The following SCRN1 variants were observed in gnomAD, a reference collection of about 807,000 sequenced individuals.
SCRN1 encodes the protein secernin 1.
A neutral mutation model predicts 43.3 loss-of-function variants in SCRN1; 19 were observed. The ratio of observed to expected loss-of-function variants is 0.44; its 90% CI spans 0.31 to 0.64. SCRN1 has a LOEUF of 0.64. Ranked by LOEUF, SCRN1 falls within the 30% of genes least tolerant of loss-of-function variation. The pLI is 0.09. For missense variants in SCRN1, 447 were observed against 524.1 expected, an observed-to-expected ratio of 0.85 and a Z score of 1.44; for synonymous variants, 183 against 188.9, an observed-to-expected ratio of 0.97 and a Z score of 0.26.
intron 3 of SCRN1, among the ~76,000 whole-genome samples, chr7:29,944,820 C>T (rs1461681531): frequency 6.6e-6 from 1 of 152,082 alleles, no homozygotes; most frequent in East Asian, 1.9e-4. Context: ...GACTGTGTCT[C>T]CCACAGAGCT....
chr7:29,959,272 A>C (rs1195136093), intron 2 of SCRN1, among the ~76,000 whole-genome samples: 1 of 152,236 alleles, frequency 6.6e-6, no homozygotes, highest in Non-Finnish European at 1.5e-5. Flanking sequence ...TTGATGAGTC[A>C]GCCAAACTTC....
At chr7:29,932,464 C>A (rs1439259178) in intron 6 of SCRN1, among the ~76,000 whole-genome samples, 1 of 151,658 alleles carries the variant, frequency 6.6e-6, no homozygotes, top group Non-Finnish European at 1.5e-5. Context: ...ACCAGCCTGG[C>A]CAACATGGTG....
intron 1 of SCRN1, among the ~76,000 whole-genome samples, chr7:29,974,405 T>C (rs1788746634): frequency 6.6e-6 from 1 of 152,198 alleles, no homozygotes; most frequent in Admixed American, 6.5e-5. Flanking sequence ...AATGTTTCAT[T>C]ACTATGTTTC....
At chr7:29,944,980 T>C (rs191345334) in intron 3 of SCRN1, among the ~76,000 whole-genome samples, 4 of 152,284 alleles carry the variant, frequency 2.6e-5, no homozygotes, top group Admixed American at 2.6e-4. Context: ...TTAAAAGTGT[T>C]CAAATGCCAG....
chr7:29,952,614 T>C (rs886504352), intron 3 of SCRN1, among the ~76,000 whole-genome samples: 2 of 151,494 alleles, frequency 1.3e-5, no homozygotes. Flanking sequence ...CGCTTGAACC[T>C]GGGAGGCGGA....
chr7:29,976,775 T>C (rs1788848570), intron 1 of SCRN1, among the ~76,000 whole-genome samples: 4 of 152,190 alleles, frequency 2.6e-5, no homozygotes, highest in Admixed American at 2.6e-4. Context: ...GGGAACAAGA[T>C]AGTAGTGCTT....
Position 29,950,336 on chromosome 7 carries a change from G to T in SCRN1, c.341+4843C>A, listed in dbSNP as rs1787879329. 6.6e-6 allele frequency among the ~76,000 whole-genome samples: 1 copy of T among 152,202 alleles called. No homozygotes were observed. The highest frequency in any genetic ancestry group is 1.5e-5 in the Non-Finnish European group (1 of 68,032). On this transcript the variant is annotated intron_variant, in intron 3 of 7. Transcript: ENST00000242059. This position sits in a 1 kb window ranked among gnomAD's most constrained non-coding sequence, Gnocchi z 4.5. ...CGCCTCGGGCTTCTCCAGACTTTGG[G>T]CATCAATGAGCACAGGAGGGAGGCT...
At chr7:29,942,263 G>A (rs1787582441) in intron 4 of SCRN1, among the ~76,000 whole-genome samples, 1 of 152,162 alleles carries the variant, frequency 6.6e-6, no homozygotes, top group Non-Finnish European at 1.5e-5. Flanking sequence ...AAGAATGTTA[G>A]CCTTTGGGAG....
intron 5 of SCRN1, among the ~76,000 whole-genome samples, chr7:29,937,008 T>C (rs1385411690): frequency 6.6e-6 from 1 of 152,124 alleles, no homozygotes; most frequent in Non-Finnish European, 1.5e-5. Context: ...ATCGCGTCAC[T>C]GCACTCCAGC....
intron 3 of SCRN1, among the ~76,000 whole-genome samples, chr7:29,949,848 ATT>A (rs1032996125): frequency 4.1e-5 from 6 of 145,218 alleles, no homozygotes; most frequent in African/African-American, 1.5e-4. Context: ...TACAATTTGC[ATT>A]TGTTTTGTAG....
At chr7:29,966,191 G>GAT in intron 2 of SCRN1, among the ~76,000 whole-genome samples, 1 of 151,006 alleles carries the variant, frequency 6.6e-6, no homozygotes, top group South Asian at 2.1e-4. Context: ...GAGAGAGAGA[G>GAT]AGAGAGAGAG....
At chr7:29,956,583 C>T (rs551168815) in intron 2 of SCRN1, among the ~76,000 whole-genome samples, 13 of 152,296 alleles carry the variant, frequency 8.5e-5, no homozygotes, top group African/African-American at 3.1e-4. Context: ...TATTGATTTC[C>T]CATAATCGCT....
chr7:29,926,676 C>A, intron 6 of SCRN1, 44 bp from the exon 7 acceptor site: 1 of 1,569,362 alleles, frequency 6.4e-7, no homozygotes, highest in African/African-American at 1.4e-5. Context: ...GAGGCTGGGA[C>A]CCGGGAACAC....
chr7:29,957,097 T>C (rs1788162067), intron 2 of SCRN1, among the ~76,000 whole-genome samples: 1 of 152,178 alleles, frequency 6.6e-6, no homozygotes, highest in Non-Finnish European at 1.5e-5. Context: ...TCATACAGGT[T>C]TTTAAAAGGG....
intron 5 of SCRN1, among the ~76,000 whole-genome samples, chr7:29,939,353 T>C (rs1433986090): frequency 6.6e-6 from 1 of 152,136 alleles, no homozygotes; most frequent in Non-Finnish European, 1.5e-5. Context: ...GCTGGAACTA[T>C]AGGCCCACAT....
At chr7:29,960,974 T>A (rs917099719) in intron 2 of SCRN1, among the ~76,000 whole-genome samples, 11 of 151,772 alleles carry the variant, frequency 7.2e-5, no homozygotes, top group African/African-American at 2.4e-4. Context: ...AAAATTGGGA[T>A]GTTCCAATCG....
intron 1 of SCRN1, among the ~76,000 whole-genome samples, chr7:29,974,882 C>A (rs886949942): frequency 2.0e-4 from 31 of 151,954 alleles, no homozygotes; most frequent in African/African-American, 7.0e-4. Context: ...TGGGGTTTCA[C>A]CATGTTGGCC....
intron 1 of SCRN1, among the ~76,000 whole-genome samples, chr7:29,985,570 A>G (rs958952162): frequency 6.6e-6 from 1 of 152,006 alleles, no homozygotes; most frequent in Non-Finnish European, 1.5e-5. Flanking sequence ...TCTCATTTCG[A>G]TATGGGAACA....
chr7:29,927,835 T>C (rs1787018900), intron 6 of SCRN1, among the ~76,000 whole-genome samples: 1 of 152,064 alleles, frequency 6.6e-6, no homozygotes, highest in African/African-American at 2.4e-5. Context: ...TATTTTCAGG[T>C]ATGGGCAAGG....
Sources: allele counts gnomAD v4.1 joint callset (sites outside exome capture counted in the v4.1 genomes callset), GRCh38; gene constraint gnomAD v4.1.1; non-coding constraint Gnocchi (gnomAD v3.1); transcripts MANE v1.5; gene names NCBI Gene and HGNC (gene_info 2026-07-23, HGNC 2026-07-21).